Variants in HS3ST2 observed in about 807,000 individuals in gnomAD.
HS3ST2 encodes heparan sulfate glucosamine 3-O-sulfotransferase 2.
HS3ST2 carries 17 observed loss-of-function variants against 26.3 expected under a neutral mutation model. The ratio of observed to expected loss-of-function variants is 0.65; its 90% CI spans 0.44 to 0.97. HS3ST2 has a LOEUF of 0.97. Among genes scored for constraint, HS3ST2 ranks in the 50% least tolerant of loss-of-function variants. HS3ST2 has a pLI of 0.00. For synonymous variants in HS3ST2, 237 were observed against 219.2 expected, an observed-to-expected ratio of 1.08 and a Z score of -0.72; for missense variants, 402 against 501.2, an observed-to-expected ratio of 0.80 and a Z score of 1.89.
At chr16:22,863,315 C>T (rs1394753630) in intron 1 of HS3ST2, among the ~76,000 whole-genome samples, 2 of 152,260 alleles carry the variant, frequency 1.3e-5, no homozygotes, top group Non-Finnish European at 2.9e-5. Context: ...TGCTGTTATT[C>T]CACACATGTG....
intron 1 of HS3ST2, among the ~76,000 whole-genome samples, chr16:22,862,798 A>T (rs1450728191): frequency 6.6e-6 from 1 of 152,228 alleles, no homozygotes; most frequent in Non-Finnish European, 1.5e-5. Flanking sequence ...AAAGATTTGG[A>T]ACATCTCCTA....
intron 1 of HS3ST2, among the ~76,000 whole-genome samples, chr16:22,885,612 C>T (rs1284250542): frequency 3.3e-5 from 5 of 151,906 alleles, no homozygotes; most frequent in South Asian, 2.1e-4. Flanking sequence ...TGCGCCACCA[C>T]GCCCGGGTAA....
At chr16:22,878,340 A>T (rs1770639522) in intron 1 of HS3ST2, among the ~76,000 whole-genome samples, 1 of 152,230 alleles carries the variant, frequency 6.6e-6, no homozygotes, top group African/African-American at 2.4e-5. Flanking sequence ...AACCCAAATG[A>T]TGTTACTCAA....
chr16:22,900,313 C>T (rs1301043350), intron 1 of HS3ST2, among the ~76,000 whole-genome samples: 2 of 152,296 alleles, frequency 1.3e-5, no homozygotes, highest in East Asian at 1.9e-4. Context: ...CCACTTGGTA[C>T]CATCACTGTC....
intron 1 of HS3ST2, among the ~76,000 whole-genome samples, chr16:22,890,910 C>G (rs1902119149): frequency 6.6e-6 from 1 of 152,208 alleles, no homozygotes; most frequent in South Asian, 2.1e-4. Context: ...CATTCAGCAA[C>G]TGACTGGAGG....
rs979668834 is a variant in HS3ST2, at chr16:22,822,250, C to G, written c.485+7155C>G. 1.4e-4 allele frequency among the ~76,000 whole-genome samples: 21 copies of G among 152,276 alleles called. 1 individual carries two copies. Among genetic ancestry groups the G allele is most frequent in the Admixed American group, 3.9e-4 (6 of 15,286 alleles). On this transcript the variant is annotated intron_variant, in intron 1 of 1. Transcript: ENST00000261374. ...GCACAGTCAAGGCTCACTGCAGTCT[C>G]AACCTCCCAGGCTCAAGTGATCCTC...
rs146666750 is a variant in HS3ST2 at position 22,892,468 on chromosome 16, A to G, written c.486-22476A>G. Among the ~76,000 whole-genome samples, 35 of 152,216 alleles carry G rather than the reference A, an allele frequency of 2.3e-4. 1 individual carries two copies. In the East Asian group the frequency reaches 6.7e-3, roughly 29 times the overall value. On this transcript the variant is annotated intron_variant, in intron 1 of 1. Transcript: ENST00000261374. ...TATTTTCTGACTTTTTTAACCTACCAATTTACACTGGCATTTTCCCTATAT... is the reference window on the plus strand; with the variant it reads ...TATTTTCTGACTTTTTTAACCTACCGATTTACACTGGCATTTTCCCTATAT...
intron 1 of HS3ST2, among the ~76,000 whole-genome samples, chr16:22,886,555 G>T (rs1252787907): frequency 6.6e-6 from 1 of 152,126 alleles, no homozygotes; most frequent in Non-Finnish European, 1.5e-5. Flanking sequence ...CCTTGGCTGG[G>T]CACCCTTGGC....
At position 22,831,160 on chromosome 16, in the gene HS3ST2, G is replaced by A. The variant is rs143521187; in HGVS notation, c.485+16065G>A. Among the ~76,000 whole-genome samples, 963 of 152,290 alleles carry A rather than the reference G, an allele frequency of 6.3e-3. 17 individuals carry two copies. Among genetic ancestry groups the A allele is most frequent in the African/African-American group, 0.022 (912 of 41,566 alleles). On this transcript the variant is annotated intron_variant, in intron 1 of 1. Transcript: ENST00000261374. Reference sequence around the variant, plus strand: ...AAGAAGACTTGAATAGAATGGAAAAGGAAAGATAATTATCTTCTAATGATG... The same window carrying A: ...AAGAAGACTTGAATAGAATGGAAAAAGAAAGATAATTATCTTCTAATGATG...
intron 1 of HS3ST2, among the ~76,000 whole-genome samples, chr16:22,835,426 A>G (rs1203231046): frequency 6.6e-6 from 1 of 152,152 alleles, no homozygotes; most frequent in Non-Finnish European, 1.5e-5. Context: ...TATGGCTGCC[A>G]AGTATTTTAC....
intron 1 of HS3ST2, among the ~76,000 whole-genome samples, chr16:22,862,638 C>T (rs1009758607): frequency 2.0e-5 from 3 of 152,194 alleles, no homozygotes; most frequent in African/African-American, 7.2e-5. Context: ...AACCAGCCTT[C>T]TCACCTGGGA....
chr16:22,815,558 A>G (rs900784852), intron 1 of HS3ST2, among the ~76,000 whole-genome samples: 7 of 152,164 alleles, frequency 4.6e-5, no homozygotes, highest in Non-Finnish European at 1.0e-4. Flanking sequence ...AAAGGTCCCC[A>G]GAGTTCAGGC....
intron 1 of HS3ST2, among the ~76,000 whole-genome samples, chr16:22,856,311 A>T (rs1901593227): frequency 6.6e-6 from 1 of 152,184 alleles, no homozygotes; most frequent in Non-Finnish European, 1.5e-5. Context: ...ACATTTTGCT[A>T]ATCATGTAAA....
At chr16:22,911,237 T>C (rs1217375398) in intron 1 of HS3ST2, among the ~76,000 whole-genome samples, 3 of 152,106 alleles carry the variant, frequency 2.0e-5, no homozygotes, top group Non-Finnish European at 4.4e-5. Flanking sequence ...GGATGCATTA[T>C]TAGAGACTGG....
At chr16:22,871,501 CTT>C (rs1005378577) in intron 1 of HS3ST2, among the ~76,000 whole-genome samples, 4 of 152,152 alleles carry the variant, frequency 2.6e-5, no homozygotes, top group Non-Finnish European at 5.9e-5. Context: ...ACATTTTTAA[CTT>C]AAGATATTTT....
rs553521344 is a variant in HS3ST2 at position 22,860,758 on chromosome 16, A to G, written c.485+45663A>G. 1.4e-3 allele frequency among the ~76,000 whole-genome samples: 213 copies of G among 152,034 alleles called. 2 individuals are homozygous for G. The highest frequency in any genetic ancestry group is 3.4e-3 in the Middle Eastern group (1 of 290). ...AGTTATGAGTGTATAAAAGTATGAA[A>G]TATAAAATATCATACATATTTAATA... is the stretch of plus-strand genomic sequence containing the variant. On this transcript the variant is annotated intron_variant, in intron 1 of 1. Transcript: ENST00000261374.
At chr16:22,864,166 G>A (rs746182477) in intron 1 of HS3ST2, among the ~76,000 whole-genome samples, 2 of 152,168 alleles carry the variant, frequency 1.3e-5, no homozygotes, top group Non-Finnish European at 2.9e-5. Flanking sequence ...TTTCAGTTGA[G>A]GCTGCACCCA....
At chr16:22,825,752 G>A (rs569222136) in intron 1 of HS3ST2, among the ~76,000 whole-genome samples, 9 of 152,184 alleles carry the variant, frequency 5.9e-5, no homozygotes, top group Admixed American at 3.9e-4. Context: ...TGCCGGGAGC[G>A]GGGGCTCACA....
At chr16:22,840,587 T>TATCAGGAACAA (rs1901337684) in intron 1 of HS3ST2, among the ~76,000 whole-genome samples, 1 of 152,122 alleles carries the variant, frequency 6.6e-6, no homozygotes, top group African/African-American at 2.4e-5. Flanking sequence ...TTTTGCCATG[T>TATCAGGAACAA]TGCCCAGGCT....
Sources: allele counts gnomAD v4.1 joint callset (sites outside exome capture counted in the v4.1 genomes callset), GRCh38; gene constraint gnomAD v4.1.1; transcripts MANE v1.5; gene names NCBI Gene and HGNC (gene_info 2026-07-23, HGNC 2026-07-21).